Variants in ISG20 observed in about 807,000 individuals in gnomAD.
ISG20 encodes interferon-stimulated gene 20 kDa protein.
Under a neutral mutation model 11.1 loss-of-function variants are expected in ISG20, and 8 were observed. The ratio of observed to expected loss-of-function variants is 0.72; its 90% confidence interval spans 0.42 to 1.30. ISG20 has a LOEUF of 1.30. Ranked by LOEUF, ISG20 falls within the 50% of genes most tolerant of loss-of-function variation. The pLI, the probability that ISG20 is intolerant of heterozygous loss-of-function variation, is 0.01. For missense variants in ISG20, 243 were observed against 250.2 expected, an observed-to-expected ratio of 0.97 and a Z score of 0.19; for synonymous variants, 110 against 101.7, an observed-to-expected ratio of 1.08 and a Z score of -0.49.
Position 88,639,031 on chromosome 15 carries a change from T to G in ISG20, c.-70T>G, listed in dbSNP as rs2058031813. The G allele has an allele frequency of 2.4e-6, 1 of 417,888 alleles. No individual in the cohort carries two copies. The highest frequency in any genetic ancestry group is 4.3e-5 in the East Asian group (1 of 23,178). 25.9% of individuals were successfully genotyped at this position (417,888 alleles called of 1,614,324 possible). On this transcript the variant is annotated 5_prime_UTR_variant, in exon 1 of 4. Coordinates refer to ENST00000306072, the MANE Select transcript of ISG20 (RefSeq NM_002201.6). This position sits in a 1 kb window ranked among gnomAD's most constrained non-coding sequence, Gnocchi z 4.2. ...GAGAGCAGCTGCAGTAGCTGAGCAG[T>G]GGCAGCAGAGAGGCAGACGTGAGCT...
Position 88,650,413 on chromosome 15 carries a change from G to C in ISG20, c.229-1697G>C. The C allele has an allele frequency of 1.3e-6, 2 of 1,507,352 alleles. No homozygotes were observed. The highest frequency in any genetic ancestry group is 1.8e-6 in the Non-Finnish European group (2 of 1,131,516). 93.4% of individuals were successfully genotyped at this position (1,507,352 alleles called of 1,614,324 possible). A position where few individuals can be genotyped will look rare whatever the true frequency, so the allele number is the denominator to read the frequency against. On this transcript the variant is annotated intron_variant, in intron 2 of 3. Transcript: ENST00000306072. The surrounding 1 kb of genome is among the most constrained non-coding windows in gnomAD (Gnocchi z 4.0). ...AGTGGTCGTTCACTCTTCTGGCTCA[G>C]TGTGGCAGTGGCAGGCGGGCTCTGG...
At chr15:88,647,982 A>C (rs1287073249) in intron 2 of ISG20, 1 of 152,238 alleles carries the variant, frequency 6.6e-6, no homozygotes, top group African/African-American at 2.4e-5. Flanking sequence ...GGAAGGCTTC[A>C]ATATCCAGAT....
In ISG20 at chr15:88,639,036, G is replaced by A. The variant is rs1199378405; in HGVS notation, c.-65G>A. 4 of 433,632 alleles carry A rather than the reference G, an allele frequency of 9.2e-6. No homozygotes were observed. The highest frequency in any genetic ancestry group is 4.1e-5 in the Admixed American group (1 of 24,516). 26.9% of individuals were successfully genotyped at this position (433,632 alleles called of 1,614,324 possible). ...CAGCTGCAGTAGCTGAGCAGTGGCAGCAGAGAGGCAGACGTGAGCTGAGGG... is the reference window on the plus strand; with the variant it reads ...CAGCTGCAGTAGCTGAGCAGTGGCAACAGAGAGGCAGACGTGAGCTGAGGG... On this transcript the variant is annotated 5_prime_UTR_variant, in exon 1 of 4. Coordinates refer to ENST00000306072, the MANE Select transcript of ISG20 (RefSeq NM_002201.6). The surrounding 1 kb of genome is among the most constrained non-coding windows in gnomAD (Gnocchi z 4.2).
intron 2 of ISG20, chr15:88,651,293 T>G: frequency 4.1e-6 from 4 of 985,424 alleles, no homozygotes; most frequent in Non-Finnish European, 4.8e-6. Context: ...TCCTCACTGT[T>G]AGTTTTCTGT....
At position 88,650,546 on chromosome 15, in the gene ISG20, C is replaced by A; in HGVS notation, c.229-1564C>A. ...TCACACCAAAACTTACCGGTTCAAACAATGTCAATACTTATTTCGCTCGGC... is the reference window on the plus strand; with the variant it reads ...TCACACCAAAACTTACCGGTTCAAAAAATGTCAATACTTATTTCGCTCGGC... On this transcript the variant is annotated intron_variant, in intron 2 of 3. Transcript: ENST00000306072. This position sits in a 1 kb window ranked among gnomAD's most constrained non-coding sequence, Gnocchi z 4.0. 2.6e-6 allele frequency: 3 copies of A among 1,140,754 alleles called. No homozygotes were observed. The highest frequency in any genetic ancestry group is 3.5e-6 in the Non-Finnish European group (3 of 851,104). The allele number at this position is 1,140,754 out of a possible 1,614,324, so 70.7% of individuals were successfully genotyped here. A position where few individuals can be genotyped will look rare whatever the true frequency, so the allele number is the denominator to read the frequency against.
In ISG20 at chr15:88,639,484, G is replaced by A. The variant is rs1167292940; in HGVS notation, c.118G>A (p.Asp40Asn). 4.3e-6 allele frequency: 7 copies of A among 1,614,186 alleles called. No homozygotes were observed. The highest frequency in any genetic ancestry group is 5.1e-6 in the Non-Finnish European group (6 of 1,180,036). ...GAACGTCCACGGTGCTGTGCTGTAC[G>A]ACAAGTTCATCCGGCCTGAGGGAGA... ...LVNVHGAVLY[D>N]KFIRPEGEIT... The change falls in exon 2 of 4, where the codon GAC becomes AAC. Residue 40 changes from aspartate to asparagine, a missense_variant. By Grantham distance (23) the Asp-to-Asn change is conservative. Transcript: ENST00000306072. The surrounding 1 kb of genome is among the most constrained non-coding windows in gnomAD (Gnocchi z 4.2).
rs114939248 is a variant in ISG20, at chr15:88,653,266, C to T, written c.429+956C>T. Reference sequence around the variant, plus strand: ...AAGGAGTGTGTGACGGAGGGAAGGGCAGTGCCCTGGGAGCAGGATGAAGGA... The same window carrying T: ...AAGGAGTGTGTGACGGAGGGAAGGGTAGTGCCCTGGGAGCAGGATGAAGGA... On this transcript the variant is annotated intron_variant, in intron 3 of 3. Transcript: ENST00000306072. Among the ~76,000 whole-genome samples, 267 of 152,226 alleles carry T rather than the reference C, an allele frequency of 1.8e-3. 1 individual carries two copies. Among genetic ancestry groups the T allele is most frequent in the African/African-American group, 6.3e-3 (263 of 41,530 alleles).
chr15:88,637,656 G>A (rs1190888702), upstream of ISG20, among the ~76,000 whole-genome samples: 1 of 152,120 alleles, frequency 6.6e-6, no homozygotes. Flanking sequence ...TTCTGACTGA[G>A]ACCCGAGGAG....
chr15:88,642,580 G>T (rs968616039), intron 2 of ISG20, among the ~76,000 whole-genome samples: 1 of 152,124 alleles, frequency 6.6e-6, no homozygotes, highest in Non-Finnish European at 1.5e-5. Context: ...TAGCTGGTTT[G>T]AACTGAGATG....
intron 2 of ISG20, among the ~76,000 whole-genome samples, chr15:88,641,015 C>T (rs550121844): frequency 4.0e-5 from 6 of 151,056 alleles, no homozygotes; most frequent in Admixed American, 2.0e-4. Context: ...TTTTTTTAAC[C>T]GGAGTCTCTC....
intron 2 of ISG20, chr15:88,651,585 A>G (rs1292186201): frequency 5.3e-6 from 1 of 187,364 alleles, no homozygotes; most frequent in African/African-American, 2.4e-5. Context: ...TCCACATGTA[A>G]GGAGGCTTGT....
At chr15:88,654,576 G>A (rs933761983) in intron 3 of ISG20, among the ~76,000 whole-genome samples, 2 of 152,084 alleles carry the variant, frequency 1.3e-5, no homozygotes, top group Non-Finnish European at 2.9e-5. Context: ...AGGGCTGAGC[G>A]GGGCATGCGA....
At chr15:88,654,322 G>T (rs1400651212) in intron 3 of ISG20, among the ~76,000 whole-genome samples, 2 of 152,146 alleles carry the variant, frequency 1.3e-5, no homozygotes, top group East Asian at 3.9e-4. Flanking sequence ...TAATGATAGG[G>T]TGTCCAAGCC....
chr15:88,642,796 C>T (rs980442038), intron 2 of ISG20, among the ~76,000 whole-genome samples: 1 of 152,014 alleles, frequency 6.6e-6, no homozygotes, highest in Non-Finnish European at 1.5e-5. Flanking sequence ...TTTGTATTTT[C>T]AGTAGAGACG....
chr15:88,639,300 G>A lies in ISG20; in HGVS notation c.-24-43G>A. ...TTGGCTGAGGACACCTGGAGGCTTGGTTTGCCCAAGCGTGAGACCGCCCCC... is the reference window on the plus strand; with the variant it reads ...TTGGCTGAGGACACCTGGAGGCTTGATTTGCCCAAGCGTGAGACCGCCCCC... On this transcript the variant is annotated intron_variant, in intron 1 of 3. Coordinates refer to ENST00000306072, the MANE Select transcript of ISG20 (RefSeq NM_002201.6). The surrounding 1 kb of genome is among the most constrained non-coding windows in gnomAD (Gnocchi z 4.2). 1.5e-6 allele frequency: 2 copies of A among 1,316,520 alleles called. No individual in the cohort carries two copies. The highest frequency in any genetic ancestry group is 2.7e-5 in the South Asian group (2 of 73,110). The allele number at this position is 1,316,520 out of a possible 1,614,324, so 81.6% of individuals were successfully genotyped here. A position where few individuals can be genotyped will look rare whatever the true frequency, so the allele number is the denominator to read the frequency against.
chr15:88,640,751 C>T (rs966594090), intron 2 of ISG20, among the ~76,000 whole-genome samples: 2 of 151,936 alleles, frequency 1.3e-5, no homozygotes, highest in Admixed American at 6.6e-5. Context: ...GTGGCTTGAG[C>T]TCAGGAGTTC....
At chr15:88,654,809 C>T (rs908634763) in intron 3 of ISG20, among the ~76,000 whole-genome samples, 3 of 152,114 alleles carry the variant, frequency 2.0e-5, no homozygotes, top group South Asian at 2.1e-4. Flanking sequence ...CGAGGGCCCC[C>T]GACTCCCATA....
rs747603111 is a variant in ISG20, at chr15:88,639,469, G to A, written c.103G>A (p.Gly35Ser). Residue 35 changes from glycine (G) to serine (S), a missense_variant, in exon 2 of 4, where the codon GGT (glycine) becomes AGT (serine). By Grantham distance (56) the Gly-to-Ser change is moderately conservative. Transcript: ENST00000306072. This position sits in a 1 kb window ranked among gnomAD's most constrained non-coding sequence, Gnocchi z 4.2. ...TCGTTGCAGCCTCGTGAACGTCCAC[G>A]GTGCTGTGCTGTACGACAAGTTCAT... ...LARCSLVNVH[G>S]AVLYDKFIRP... The A allele has an allele frequency of 2.6e-5, 42 of 1,614,034 alleles. No homozygotes were observed. The highest frequency in any genetic ancestry group is 3.3e-5 in the Non-Finnish European group (39 of 1,180,010).
chr15:88,641,712 AC>A (rs1459116143), intron 2 of ISG20, among the ~76,000 whole-genome samples: 3 of 151,928 alleles, frequency 2.0e-5, no homozygotes, highest in Non-Finnish European at 4.4e-5. Context: ...GCTCACTGCA[AC>A]CTCTGCCTCC....
Sources: allele counts gnomAD v4.1 joint callset (sites outside exome capture counted in the v4.1 genomes callset), GRCh38; gene constraint gnomAD v4.1.1; non-coding constraint Gnocchi (gnomAD v3.1); transcripts MANE v1.5; gene names NCBI Gene and HGNC (gene_info 2026-07-23, HGNC 2026-07-21).